The following TSPAN9 variants were observed in gnomAD, a reference collection of about 807,000 sequenced individuals.
The protein encoded by TSPAN9 is tetraspanin-9.
Under a neutral mutation model 31.0 loss-of-function variants are expected in TSPAN9, and 16 were observed. The observed-to-expected ratio is 0.52, with a 90% CI of 0.35 to 0.78. The LOEUF is 0.78. Ranked by LOEUF, TSPAN9 falls within the 30% of genes least tolerant of loss-of-function variation. The pLI is 0.01. For synonymous variants in TSPAN9, 145 were observed against 121.6 expected (o/e 1.19, Z -1.27); for missense variants, 272 against 312.5 (o/e 0.87, Z 0.98).
intron 2 of TSPAN9, among the ~76,000 whole-genome samples, chr12:3,128,854 A>G (rs1235550938): frequency 6.6e-6 from 1 of 152,176 alleles, no homozygotes; most frequent in East Asian, 1.9e-4. Flanking sequence ...CAATCATCAC[A>G]CTATCTCTTT....
chr12:3,252,565 G>A (rs536598081), intron 3 of TSPAN9, among the ~76,000 whole-genome samples: 1 of 152,256 alleles, frequency 6.6e-6, no homozygotes, highest in African/African-American at 2.4e-5. Context: ...CATGCGGGGA[G>A]CCTGCCGCTA....
chr12:3,111,453 A>G (rs140236548), intron 2 of TSPAN9, among the ~76,000 whole-genome samples: 1 of 152,286 alleles, frequency 6.6e-6, no homozygotes, highest in African/African-American at 2.4e-5. Flanking sequence ...TTTCTCATCT[A>G]TCTAAAAGAA....
chr12:3,095,023 C>T (rs1486447466), intron 2 of TSPAN9, among the ~76,000 whole-genome samples: 2 of 100,412 alleles, frequency 2.0e-5, no homozygotes, highest in Non-Finnish European at 3.8e-5. Context: ...TGCGGCCTTC[C>T]GCAGTGTTTG....
rs75512513 is a variant in TSPAN9 at position 3,166,734 on chromosome 12, C to T, written c.-17-34443C>T. On this transcript the variant is annotated intron_variant, in intron 2 of 8. Coordinates refer to ENST00000011898, the MANE Select transcript of TSPAN9 (RefSeq NM_006675.5). ...CCCATTCCCCTTTTGAGACTTTACT[C>T]CTGCTCAGGGGTAGCCACTAACCTG... Among the ~76,000 whole-genome samples, 1,114 of 152,302 alleles carry T rather than the reference C, an allele frequency of 7.3e-3. 9 individuals are homozygous for T. The highest frequency in any genetic ancestry group is 0.025 in the African/African-American group (1,046 of 41,568).
intron 3 of TSPAN9, among the ~76,000 whole-genome samples, chr12:3,227,713 C>T (rs775130679): frequency 2.0e-5 from 3 of 152,206 alleles, no homozygotes; most frequent in Non-Finnish European, 4.4e-5. Context: ...AGTCGGGCCA[C>T]GTCCTCTCCA....
chr12:3,255,889 C>T (rs1313349242), intron 3 of TSPAN9, among the ~76,000 whole-genome samples: 1 of 152,212 alleles, frequency 6.6e-6, no homozygotes, highest in Non-Finnish European at 1.5e-5. Context: ...ACAAGCTGGA[C>T]ACCCCTTTGT....
At chr12:3,114,796 T>C (rs1332282784) in intron 2 of TSPAN9, among the ~76,000 whole-genome samples, 1 of 149,346 alleles carries the variant, frequency 6.7e-6, no homozygotes, top group Non-Finnish European at 1.5e-5. Context: ...TGAACCGAGG[T>C]TGCGCCATTG....
intron 3 of TSPAN9, among the ~76,000 whole-genome samples, chr12:3,224,092 T>A (rs990101774): frequency 6.6e-6 from 1 of 151,580 alleles, no homozygotes; most frequent in Admixed American, 6.6e-5. Context: ...AAAAAAAAAT[T>A]TTTTTTCTGA....
chr12:3,206,633 A>C (rs1436531995), intron 3 of TSPAN9, among the ~76,000 whole-genome samples: 1 of 151,788 alleles, frequency 6.6e-6, no homozygotes, highest in African/African-American at 2.4e-5. Flanking sequence ...GAATCAGCGA[A>C]TCCTGTGGCC....
chr12:3,134,059 C>T lies in TSPAN9; in HGVS notation c.-18+50340C>T, dbSNP rs145718817. 7.9e-5 allele frequency among the ~76,000 whole-genome samples: 12 copies of T among 152,292 alleles called. No individual in the cohort carries two copies. The East Asian group carries it at 2.3e-3, about 29-fold the overall frequency. The stretch of plus-strand genomic sequence containing the variant: ...GTGTGTAATGTAAGGGTTGCCGTCC[C>T]GATCTTGCAGGGTGTCAGGCTCCAG... On this transcript the variant is annotated intron_variant, in intron 2 of 8. Coordinates refer to ENST00000011898, the MANE Select transcript of TSPAN9 (RefSeq NM_006675.5).
chr12:3,238,702 T>C (rs567762939), intron 3 of TSPAN9, among the ~76,000 whole-genome samples: 1 of 152,274 alleles, frequency 6.6e-6, no homozygotes, highest in South Asian at 2.1e-4. Context: ...AAAGATTCTC[T>C]CTTTAAACCC....
At chr12:3,258,759 A>AC (rs1207996332) in intron 3 of TSPAN9, among the ~76,000 whole-genome samples, 1 of 152,168 alleles carries the variant, frequency 6.6e-6, no homozygotes, top group Admixed American at 6.5e-5. Flanking sequence ...TGGTGGGTTG[A>AC]CCTGGGGCCA....
At chr12:3,122,577 C>A (rs948763278) in intron 2 of TSPAN9, among the ~76,000 whole-genome samples, 4 of 151,836 alleles carry the variant, frequency 2.6e-5, no homozygotes, top group Admixed American at 1.3e-4. Flanking sequence ...TTTCTAAATC[C>A]TAGCAGGGAT....
intron 3 of TSPAN9, among the ~76,000 whole-genome samples, chr12:3,223,078 T>C (rs532820487): frequency 6.6e-6 from 1 of 152,360 alleles, no homozygotes; most frequent in African/African-American, 2.4e-5. Context: ...CCCATTAGCA[T>C]GCATCAGTGC....
rs540170547 is a variant in TSPAN9, at chr12:3,165,778, G to A, written c.-17-35399G>A. ...GAGCAGAGGTTTAATTTATGATGGC[G>A]CCTAGTATTCTCGTCCTGCTGCCTC... On this transcript the variant is annotated intron_variant, in intron 2 of 8. Transcript: ENST00000011898. Among the ~76,000 whole-genome samples the A allele has an allele frequency of 9.2e-5, 14 of 152,312 alleles. No homozygotes were observed. The South Asian group carries it at 2.9e-3, about 32-fold the overall frequency.
intron 3 of TSPAN9, among the ~76,000 whole-genome samples, chr12:3,239,678 A>G (rs1205448501): frequency 1.3e-5 from 2 of 152,316 alleles, no homozygotes; most frequent in East Asian, 1.9e-4. Context: ...ATAGGTCAGC[A>G]CAGACAGTGG....
chr12:3,121,235 C>T (rs1289624163), intron 2 of TSPAN9, among the ~76,000 whole-genome samples: 4 of 152,160 alleles, frequency 2.6e-5, no homozygotes, highest in African/African-American at 9.7e-5. Context: ...TTGCAGATCT[C>T]AGGCTTAGAG....
chr12:3,136,816 A>G (rs896061485), intron 2 of TSPAN9, among the ~76,000 whole-genome samples: 8 of 152,102 alleles, frequency 5.3e-5, no homozygotes, highest in Non-Finnish European at 1.0e-4. Flanking sequence ...CTCCCGCCAT[A>G]GTGTACCCCT....
chr12:3,204,507 C>T (rs2098373914), intron 3 of TSPAN9, among the ~76,000 whole-genome samples: 1 of 152,302 alleles, frequency 6.6e-6, no homozygotes, highest in South Asian at 2.1e-4. Context: ...CTGCTGGGTG[C>T]CTGCCTGCCT....
Sources: allele counts gnomAD v4.1 joint callset (sites outside exome capture counted in the v4.1 genomes callset), GRCh38; gene constraint gnomAD v4.1.1; transcripts MANE v1.5; gene names NCBI Gene and HGNC (gene_info 2026-07-23, HGNC 2026-07-21).